ERBB4: variants seen among roughly 807,000 people sequenced by gnomAD.
ERBB4 encodes the protein erb-b2 receptor tyrosine kinase 4, also known as receptor tyrosine-protein kinase erbB-4.
Under a neutral mutation model 158.0 loss-of-function variants are expected in ERBB4, and 42 were observed. That is an observed-to-expected ratio of 0.27 (90% CI 0.21 to 0.34). The LOEUF is 0.34. Ranked by LOEUF, ERBB4 falls within the 10% of genes least tolerant of loss-of-function variation. The probability of loss-of-function intolerance (pLI) is 1.00; values close to 1 mark genes in which losing one functional copy is unlikely to be tolerated. For synonymous variants in ERBB4, 583 were observed against 558.7 expected (o/e 1.04, Z -0.61); for missense variants, 1,333 against 1,624.1 (o/e 0.82, Z 3.08).
At chr2:212,447,649 A>T (rs2092381957) in intron 1 of ERBB4, among the ~76,000 whole-genome samples, 1 of 152,216 alleles carries the variant, frequency 6.6e-6, no homozygotes, top group Non-Finnish European at 1.5e-5. Context: ...GAGGTTTAAG[A>T]ATTACAGAAA....
At chr2:211,863,671 T>A (rs1047415362) in intron 3 of ERBB4, among the ~76,000 whole-genome samples, 43 of 152,122 alleles carry the variant, frequency 2.8e-4, no homozygotes, top group African/African-American at 1.0e-3. Context: ...TCCAGACACA[T>A]CTGAACATCT....
chr2:212,364,900 TGTGTGTGTGTGTGA>T (rs761990317), intron 1 of ERBB4, among the ~76,000 whole-genome samples: 20 of 128,168 alleles, frequency 1.6e-4, no homozygotes, highest in Non-Finnish European at 2.5e-4. Flanking sequence ...TGTGTGCGTC[TGTGTGTGTGTGTGA>T]GTGTGTGTGT....
chr2:212,086,989 C>T (rs1158672042), intron 2 of ERBB4, among the ~76,000 whole-genome samples: 1 of 152,034 alleles, frequency 6.6e-6, no homozygotes, highest in Non-Finnish European at 1.5e-5. Context: ...CTACCCCTAA[C>T]ATCTGTCTCA....
chr2:211,872,407 C>T (rs1262384499), intron 3 of ERBB4, among the ~76,000 whole-genome samples: 1 of 152,116 alleles, frequency 6.6e-6, no homozygotes, highest in Non-Finnish European at 1.5e-5. Flanking sequence ...CAAATGTCAG[C>T]AAAAGGCGGG....
intron 1 of ERBB4, among the ~76,000 whole-genome samples, chr2:212,503,028 G>T (rs748854585): frequency 6.6e-6 from 1 of 152,142 alleles, no homozygotes; most frequent in Non-Finnish European, 1.5e-5. Context: ...CTCCCAAAAT[G>T]CTGGGATTAC....
chr2:211,676,554 G>A (rs1201898032), intron 13 of ERBB4, among the ~76,000 whole-genome samples: 1 of 151,004 alleles, frequency 6.6e-6, no homozygotes, highest in Non-Finnish European at 1.5e-5. Context: ...AAAAACAATG[G>A]TGTTCTGGGA....
At chr2:212,270,034 G>T (rs2085288071) in intron 1 of ERBB4, among the ~76,000 whole-genome samples, 1 of 151,752 alleles carries the variant, frequency 6.6e-6, no homozygotes, top group Non-Finnish European at 1.5e-5. Flanking sequence ...TCCATAAAGT[G>T]ACTAAGGAGT....
intron 1 of ERBB4, among the ~76,000 whole-genome samples, chr2:212,384,920 T>TATATATATATACAC (rs764463489): frequency 8.1e-5 from 10 of 123,774 alleles, no homozygotes; most frequent in Admixed American, 1.6e-4. Flanking sequence ...TATATATATA[T>TATATATATATACAC]ACACACACAC....
At chr2:212,472,628 C>G (rs568277888) in intron 1 of ERBB4, among the ~76,000 whole-genome samples, 1 of 151,762 alleles carries the variant, frequency 6.6e-6, no homozygotes, top group South Asian at 2.1e-4. Flanking sequence ...CTCAAACTAT[C>G]TACACGTAAA....
At chr2:212,367,220 T>C (rs115290581) in intron 1 of ERBB4, among the ~76,000 whole-genome samples, 1,733 of 152,146 alleles carry the variant, frequency 0.011, 34 homozygotes, top group African/African-American at 0.039. Context: ...GACTCTGGCC[T>C]CCAGAACTCT....
At chr2:212,079,341 A>G (rs1286131665) in intron 2 of ERBB4, among the ~76,000 whole-genome samples, 1 of 152,036 alleles carries the variant, frequency 6.6e-6, no homozygotes, top group African/African-American at 2.4e-5. Flanking sequence ...CATTAATACA[A>G]TTAGCAAACC....
intron 2 of ERBB4, among the ~76,000 whole-genome samples, chr2:211,974,019 G>A (rs762373946): frequency 2.0e-5 from 3 of 152,190 alleles, no homozygotes; most frequent in Non-Finnish European, 2.9e-5. Context: ...TCATAAGTGA[G>A]AGGTGAACAA....
chr2:212,335,916 A>G lies in ERBB4; in HGVS notation c.82+202533T>C, dbSNP rs114851282. On this transcript the variant is annotated intron_variant, in intron 1 of 27. Coordinates refer to ENST00000342788, the MANE Select transcript of ERBB4 (RefSeq NM_005235.3). Reference sequence around the variant, plus strand: ...TGAAAACTCCAAATTGAGCAAAATTAAAAAGGTATCCCTAATTCAAGTCTA... The same window carrying G: ...TGAAAACTCCAAATTGAGCAAAATTGAAAAGGTATCCCTAATTCAAGTCTA... 3.4e-3 allele frequency among the ~76,000 whole-genome samples: 512 copies of G among 152,128 alleles called. 3 individuals carry two copies. The highest frequency in any genetic ancestry group is 0.012 in the African/African-American group (480 of 41,546).
At chr2:211,574,174 G>C (rs777978288) in intron 19 of ERBB4, among the ~76,000 whole-genome samples, 3 of 152,128 alleles carry the variant, frequency 2.0e-5, no homozygotes, top group Non-Finnish European at 4.4e-5. Context: ...TGGTCACTTT[G>C]ATCTTTTAAA....
chr2:211,517,194 A>C (rs11901482), intron 20 of ERBB4, among the ~76,000 whole-genome samples: 33,238 of 152,046 alleles, frequency 0.22, 3,783 homozygotes, highest in Middle Eastern at 0.28. Flanking sequence ...CACCAAATTT[A>C]CACTTTCTAA....
At chr2:211,652,497 A>G (rs1369125541) in intron 16 of ERBB4, among the ~76,000 whole-genome samples, 2 of 151,790 alleles carry the variant, frequency 1.3e-5, no homozygotes, top group East Asian at 3.9e-4. Flanking sequence ...CAAAACAAAC[A>G]AGGAAAAAAA....
chr2:211,888,066 A>G (rs548844714), intron 3 of ERBB4, among the ~76,000 whole-genome samples: 2 of 152,320 alleles, frequency 1.3e-5, no homozygotes, highest in South Asian at 4.1e-4. Context: ...TACATTAGCA[A>G]TATCTTCTGA....
intron 3 of ERBB4, among the ~76,000 whole-genome samples, chr2:211,846,298 A>G (rs949434489): frequency 6.6e-6 from 1 of 152,172 alleles, no homozygotes; most frequent in Non-Finnish European, 1.5e-5. Context: ...AAGATTCACA[A>G]GCAAAACAAA....
In ERBB4 at chr2:211,772,955, A is replaced by ATT. The variant is rs1328976588; in HGVS notation, c.556+15068_556+15069dup. 7.3e-3 allele frequency among the ~76,000 whole-genome samples: 609 copies of ATT among 83,288 alleles called. 58 individuals are homozygous for ATT. Among genetic ancestry groups the ATT allele is most frequent in the South Asian group, 0.023 (48 of 2,054 alleles). The allele number at this position is 83,288 out of a possible 152,430, so 54.6% of individuals were successfully genotyped here. On this transcript the variant is annotated intron_variant, in intron 4 of 27. Coordinates refer to ENST00000342788, the MANE Select transcript of ERBB4 (RefSeq NM_005235.3). ...TATATATATATATATATATATATATATTTTTTTTTTTAAAGATGGGGTCCT... is the reference window on the plus strand; with the variant it reads ...TATATATATATATATATATATATATATTTTTTTTTTTTTAAAGATGGGGTCCT...
Sources: gnomAD v4.1 joint callset for allele counts (sites outside exome capture counted in the v4.1 genomes callset) on GRCh38, gnomAD v4.1.1 for gene constraint, MANE v1.5 for transcripts, NCBI Gene and HGNC (gene_info 2026-07-23, HGNC 2026-07-21) for gene names.